Variants in SLC12A2 observed in about 807,000 individuals in gnomAD.
The protein encoded by SLC12A2 is Na-K-2Cl cotransporter 1.
A neutral mutation model predicts 136.3 loss-of-function variants in SLC12A2; 67 were observed. The ratio of observed to expected loss-of-function variants is 0.49; its 90% CI spans 0.40 to 0.60. The LOEUF is 0.60. Ranked by LOEUF, SLC12A2 falls within the 20% of genes least tolerant of loss-of-function variation. SLC12A2 has a pLI of 0.00. For synonymous variants in SLC12A2, 619 were observed against 562.9 expected, an observed-to-expected ratio of 1.10 and a Z score of -1.41; for missense variants, 1,322 against 1,534.7, an observed-to-expected ratio of 0.86 and a Z score of 2.32.
At chr5:128,169,730 C>T (rs966789627) in intron 18 of SLC12A2, 3 of 152,062 alleles carry the variant, frequency 2.0e-5, no homozygotes, top group African/African-American at 7.2e-5. Flanking sequence ...GACCTAAGAA[C>T]AGTGAGATGA....
At chr5:128,109,658 A>C (rs1761073480) in intron 1 of SLC12A2, 1 of 847,694 alleles carries the variant, frequency 1.2e-6, no homozygotes, top group Admixed American at 1.7e-5. Context: ...TACATCAGGG[A>C]ATAGCTTCAC....
chr5:128,128,114 T>C (rs1561674495), intron 4 of SLC12A2, among the ~76,000 whole-genome samples: 1 of 152,186 alleles, frequency 6.6e-6, no homozygotes, highest in Non-Finnish European at 1.5e-5. Flanking sequence ...AATTTAAATA[T>C]TTAGGGATCT....
At chr5:128,161,843 G>T in intron 17 of SLC12A2, 43 bp downstream of exon 17, 1 of 1,303,410 alleles carries the variant, frequency 7.7e-7, no homozygotes, top group Non-Finnish European at 1.0e-6. Flanking sequence ...TTTTAGATTT[G>T]TATAAGCTTT....
chr5:128,157,441 A>G (rs916468410), intron 15 of SLC12A2, among the ~76,000 whole-genome samples: 6 of 152,106 alleles, frequency 3.9e-5, no homozygotes, highest in African/African-American at 1.4e-4. Context: ...TTTTTTCAAC[A>G]TAGGTGATTT....
intron 16 of SLC12A2, among the ~76,000 whole-genome samples, chr5:128,159,287 A>G (rs1762958230): frequency 6.6e-6 from 1 of 152,184 alleles, no homozygotes; most frequent in South Asian, 2.1e-4. Flanking sequence ...CTTAAGACCT[A>G]AAACATAAAA....
At chr5:128,096,527 T>G (rs1760544802) in intron 1 of SLC12A2, among the ~76,000 whole-genome samples, 1 of 152,122 alleles carries the variant, frequency 6.6e-6, no homozygotes, top group African/African-American at 2.4e-5. Context: ...TTGCTTTTTG[T>G]TTATTTAATC....
At chr5:128,110,763 A>G in intron 1 of SLC12A2, 1 of 1,464,764 alleles carries the variant, frequency 6.8e-7, no homozygotes, top group Non-Finnish European at 9.6e-7. Flanking sequence ...TTAAATGGAC[A>G]AAAGATCACA....
At chr5:128,123,217 A>G (rs1761654636) in intron 4 of SLC12A2, among the ~76,000 whole-genome samples, 1 of 152,114 alleles carries the variant, frequency 6.6e-6, no homozygotes, top group African/African-American at 2.4e-5. Context: ...TCACAATAAG[A>G]TAACACCTAA....
At chr5:128,151,151 C>T in intron 13 of SLC12A2, 90 bp from the exon 14 acceptor site, 1 of 1,149,014 alleles carries the variant, frequency 8.7e-7, no homozygotes, top group East Asian at 2.6e-5. Flanking sequence ...GTGTGGCAAC[C>T]ATAAAGAATG....
intron 5 of SLC12A2, among the ~76,000 whole-genome samples, chr5:128,131,518 C>T (rs1762022235): frequency 6.7e-6 from 1 of 148,690 alleles, no homozygotes; most frequent in African/African-American, 2.5e-5. Flanking sequence ...ATGGTGAAAC[C>T]CCATCTCTAC....
chr5:128,163,882 G>A (rs1164306886), intron 17 of SLC12A2, among the ~76,000 whole-genome samples: 1 of 152,128 alleles, frequency 6.6e-6, no homozygotes. Context: ...CGGCGCGGTA[G>A]ATACATGAAT....
chr5:128,179,439 C>T (rs1255077026), intron 22 of SLC12A2, among the ~76,000 whole-genome samples: 1 of 152,168 alleles, frequency 6.6e-6, no homozygotes, highest in African/African-American at 2.4e-5. Flanking sequence ...ATGTATTAGA[C>T]TGTTCTTGTG....
intron 1 of SLC12A2, among the ~76,000 whole-genome samples, chr5:128,101,149 A>T (rs147948907): frequency 1.3e-5 from 2 of 152,260 alleles, no homozygotes. Context: ...AGTAGTCTGT[A>T]TGGGGAGCAT....
chr5:128,137,591 C>G (rs1762226765), intron 7 of SLC12A2, among the ~76,000 whole-genome samples: 1 of 152,158 alleles, frequency 6.6e-6, no homozygotes, highest in East Asian at 1.9e-4. Context: ...GGAACAATGT[C>G]TAACTTGTTT....
chr5:128,178,598 A>G lies in SLC12A2; in HGVS notation c.3009A>G (p.Val1003=), dbSNP rs1203693127. ...ESKGPIVPLN[V]ADQKLLEAST... is the part of the protein sequence containing the mutation. ...AAGGCCCTATTGTGCCTTTAAATGTAGCTGACCAAAAGCTTCTTGAAGCTA... is the reference window on the plus strand; with the variant it reads ...AAGGCCCTATTGTGCCTTTAAATGTGGCTGACCAAAAGCTTCTTGAAGCTA... Residue 1003 remains valine (V), a synonymous_variant, in exon 22 of 27, where the codon GTA becomes GTG. Transcript: ENST00000262461. 6.3e-7 allele frequency: 1 copy of G among 1,599,940 alleles called. No homozygotes were observed. The highest frequency in any genetic ancestry group is 8.5e-7 in the Non-Finnish European group (1 of 1,173,822).
intron 1 of SLC12A2, among the ~76,000 whole-genome samples, chr5:128,111,306 A>T (rs964766341): frequency 1.3e-5 from 2 of 152,312 alleles, no homozygotes; most frequent in East Asian, 3.9e-4. Context: ...GAGCTAATCT[A>T]GGTTGATAGT....
chr5:128,115,624 G>C (rs1242671211), intron 4 of SLC12A2, among the ~76,000 whole-genome samples: 1 of 152,212 alleles, frequency 6.6e-6, no homozygotes, highest in African/African-American at 2.4e-5. Flanking sequence ...TCTTCAGTCA[G>C]AGTGAGAAGA....
intron 1 of SLC12A2, among the ~76,000 whole-genome samples, chr5:128,097,160 C>T (rs1760573820): frequency 6.6e-6 from 1 of 151,628 alleles, no homozygotes; most frequent in South Asian, 2.1e-4. Context: ...CAAAGAGTTT[C>T]ATTGTACTTT....
intron 17 of SLC12A2, 89 bp from the exon 18 acceptor site, chr5:128,167,672 C>A: frequency 1.2e-6 from 1 of 828,376 alleles, no homozygotes. Flanking sequence ...TCTATAGAAG[C>A]TGTCAATTTG....
Sources: gnomAD v4.1 joint callset for allele counts (sites outside exome capture counted in the v4.1 genomes callset) on GRCh38, gnomAD v4.1.1 for gene constraint, MANE v1.5 for transcripts, NCBI Gene and HGNC (gene_info 2026-07-23, HGNC 2026-07-21) for gene names.